PAX3: variants seen among roughly 807,000 people sequenced by gnomAD.
PAX3 encodes the protein paired box protein Pax-3.
A neutral mutation model predicts 51.6 loss-of-function variants in PAX3; 14 were observed. The observed-to-expected ratio is 0.27, with a 90% CI of 0.18 to 0.42. The LOEUF (loss-of-function observed/expected upper bound fraction) is 0.42, where lower values mean the gene tolerates loss of function less well. PAX3 is among the 10% of genes least tolerant of loss of function. PAX3 has a pLI of 1.00. For synonymous variants in PAX3, 280 were observed against 253.4 expected, an observed-to-expected ratio of 1.11 and a Z score of -1.00; for missense variants, 540 against 642.8, an observed-to-expected ratio of 0.84 and a Z score of 1.73.
Position 222,201,176 on chromosome 2 carries a change from A to C in PAX3, c.*232T>G. 1 of 1,613,944 alleles carries C rather than the reference A, an allele frequency of 6.2e-7. No homozygotes were observed. Among genetic ancestry groups the C allele is most frequent in the Non-Finnish European group, 8.5e-7 (1 of 1,179,948 alleles). On this transcript the variant is annotated 3_prime_UTR_variant, in exon 9 of 9. Transcript: ENST00000392070. ...CCTTAAAATGTTGCATTTGTCTTTTATTGCTCCAGGTCTTCCTCTTCTCCA... is the reference window on the plus strand; with the variant it reads ...CCTTAAAATGTTGCATTTGTCTTTTCTTGCTCCAGGTCTTCCTCTTCTCCA...
chr2:222,215,066 A>T (rs144801017), intron 7 of PAX3, among the ~76,000 whole-genome samples: 1 of 152,134 alleles, frequency 6.6e-6, no homozygotes, highest in Non-Finnish European at 1.5e-5. Context: ...CTCAAAATTT[A>T]TGGGCTCTGA....
rs1274792671 is a variant in PAX3 at position 222,230,289 on chromosome 2, A to G, written c.792+1789T>C. ...GACATGGATGAACCTGGAAACCATC[A>G]TTCTCAGTAAACTAACACAGGAACA... On this transcript the variant is annotated intron_variant, in intron 5 of 8. Transcript: ENST00000392070. Among the ~76,000 whole-genome samples the G allele has an allele frequency of 7.9e-5, 12 of 152,056 alleles. No individual in the cohort carries two copies. In the East Asian group the frequency reaches 1.9e-3, roughly 25 times the overall value.
intron 4 of PAX3, chr2:222,264,665 G>A (rs1693980386): frequency 1.3e-5 from 2 of 152,148 alleles, no homozygotes; most frequent in Admixed American, 1.3e-4. Flanking sequence ...GTAACTCCAT[G>A]CTTAGATTAC....
intron 4 of PAX3, among the ~76,000 whole-genome samples, chr2:222,248,734 G>A (rs1487708857): frequency 2.0e-5 from 3 of 152,164 alleles, no homozygotes; most frequent in African/African-American, 7.2e-5. Flanking sequence ...CTAAAAGCAG[G>A]TTTTGAGGGA....
intron 4 of PAX3, among the ~76,000 whole-genome samples, chr2:222,277,438 C>T (rs990459008): frequency 9.2e-5 from 14 of 152,174 alleles, no homozygotes; most frequent in Non-Finnish European, 1.9e-4. Context: ...CCTGGGGAGA[C>T]GTGGACCGTT....
chr2:222,211,728 A>C (rs45597231), intron 7 of PAX3, among the ~76,000 whole-genome samples: 8,869 of 152,270 alleles, frequency 0.058, 874 homozygotes, highest in African/African-American at 0.2. Context: ...TTTGGTATTC[A>C]ACAAAAGGGC....
At chr2:222,285,628 G>A (rs1574748601) in intron 4 of PAX3, among the ~76,000 whole-genome samples, 1 of 152,192 alleles carries the variant, frequency 6.6e-6, no homozygotes, top group South Asian at 2.1e-4. Flanking sequence ...ATAATTCCAT[G>A]TTGCAATACA....
intron 4 of PAX3, among the ~76,000 whole-genome samples, chr2:222,254,980 G>A (rs12616159): frequency 0.096 from 14,544 of 151,912 alleles, 896 homozygotes; most frequent in East Asian, 0.32. Context: ...ATGGGGTTTC[G>A]CCATGTTAGC....
chr2:222,207,087 TA>T (rs1559253344), intron 7 of PAX3, among the ~76,000 whole-genome samples: 1 of 152,182 alleles, frequency 6.6e-6, no homozygotes, highest in Non-Finnish European at 1.5e-5. Context: ...CTACTGACTA[TA>T]TTTTTTTATT....
At chr2:222,245,532 A>G (rs779399139) in intron 4 of PAX3, among the ~76,000 whole-genome samples, 4 of 152,206 alleles carry the variant, frequency 2.6e-5, no homozygotes, top group Non-Finnish European at 5.9e-5. Context: ...ATTATTGGAC[A>G]ACTGCCTTTC....
At chr2:222,240,024 C>G (rs774308360) in intron 4 of PAX3, among the ~76,000 whole-genome samples, 1 of 152,004 alleles carries the variant, frequency 6.6e-6, no homozygotes, top group Non-Finnish European at 1.5e-5. Flanking sequence ...CGGAAGCTGC[C>G]GTCTCACAGC....
At chr2:222,212,574 C>G (rs984377384) in intron 7 of PAX3, among the ~76,000 whole-genome samples, 3 of 151,832 alleles carry the variant, frequency 2.0e-5, no homozygotes, top group Admixed American at 6.6e-5. Context: ...AAATACACCT[C>G]TGATGAAACC....
At chr2:222,237,800 T>C (rs1367693895) in intron 4 of PAX3, among the ~76,000 whole-genome samples, 2 of 152,160 alleles carry the variant, frequency 1.3e-5, no homozygotes, top group African/African-American at 2.4e-5. Context: ...TTATTAAAGT[T>C]TTAATTTTGG....
chr2:222,257,639 A>T (rs995143837), intron 4 of PAX3, among the ~76,000 whole-genome samples: 1 of 152,256 alleles, frequency 6.6e-6, no homozygotes, highest in African/African-American at 2.4e-5. Flanking sequence ...GTAAGAATGC[A>T]TGTACCAGTC....
intron 6 of PAX3, 105 bp from the exon 7 acceptor site, chr2:222,220,459 T>A: frequency 9.5e-7 from 1 of 1,055,900 alleles, no homozygotes. Context: ...CATCTATTGA[T>A]CAAATCAAAT....
At chr2:222,291,384 T>C (rs966718828) in intron 4 of PAX3, among the ~76,000 whole-genome samples, 7 of 152,070 alleles carry the variant, frequency 4.6e-5, no homozygotes, top group Non-Finnish European at 8.8e-5. Context: ...GCATCATGCT[T>C]AGCGCGCGCC....
chr2:222,201,096 AT>A lies in PAX3; in HGVS notation c.*311del, dbSNP rs905359967. The A allele has an allele frequency of 6.8e-7, 1 of 1,468,094 alleles. No homozygotes were observed. The highest frequency in any genetic ancestry group is 1.7e-5 in the Admixed American group (1 of 57,630). The allele number at this position is 1,468,094 out of a possible 1,614,324, so 90.9% of individuals were successfully genotyped here. A position where few individuals can be genotyped will look rare whatever the true frequency, so the allele number is the denominator to read the frequency against. On this transcript the variant is annotated 3_prime_UTR_variant, in exon 9 of 9. Coordinates refer to ENST00000392070, the MANE Select transcript of PAX3 (RefSeq NM_181458.4). ...GCAAATGGAATGTTCTAGCTCCTCG[AT>A]GATCAGCACTAAAGAATTGGGATGT...
At position 222,201,320 on chromosome 2, in the gene PAX3, T is replaced by C. The variant is rs945616999; in HGVS notation, c.*88A>G. Reference sequence around the variant, plus strand: ...CCCACCCCCCCCAACAAAAGGGTAATTTTTTTTTGTTTTCAGAGCAGATTC... The same window carrying C: ...CCCACCCCCCCCAACAAAAGGGTAACTTTTTTTTGTTTTCAGAGCAGATTC... On this transcript the variant is annotated 3_prime_UTR_variant, in exon 9 of 9. Coordinates refer to ENST00000392070, the MANE Select transcript of PAX3 (RefSeq NM_181458.4). 8 of 1,555,754 alleles carry C rather than the reference T, an allele frequency of 5.1e-6. No homozygotes were observed. The East Asian group carries it at 7.8e-5, about 15-fold the overall frequency.
chr2:222,205,298 C>A (rs1691462903), intron 7 of PAX3, among the ~76,000 whole-genome samples: 1 of 152,048 alleles, frequency 6.6e-6, no homozygotes, highest in African/African-American at 2.4e-5. Context: ...AAAACATGAC[C>A]AAATAGGAAG....
Sources: allele counts gnomAD v4.1 joint callset (sites outside exome capture counted in the v4.1 genomes callset), GRCh38; gene constraint gnomAD v4.1.1; transcripts MANE v1.5; gene names NCBI Gene and HGNC (gene_info 2026-07-23, HGNC 2026-07-21).